The following CCDC13 variants were observed in gnomAD, a reference collection of about 807,000 sequenced individuals.
CCDC13 encodes the protein coiled-coil domain-containing protein 13.
Under a neutral mutation model 87.3 loss-of-function variants are expected in CCDC13, and 70 were observed. The observed-to-expected ratio is 0.80, with a 90% CI of 0.66 to 0.98. The LOEUF (loss-of-function observed/expected upper bound fraction) is 0.98, where lower values mean the gene tolerates loss of function less well. Among genes scored for constraint, CCDC13 ranks in the 50% least tolerant of loss-of-function variants. The pLI, the probability that CCDC13 is intolerant of heterozygous loss-of-function variation, is 0.00. For synonymous variants in CCDC13, 317 were observed against 360.3 expected, an observed-to-expected ratio of 0.88 and a Z score of 1.36; for missense variants, 842 against 892.0, an observed-to-expected ratio of 0.94 and a Z score of 0.71.
At position 42,745,954 on chromosome 3, in the gene CCDC13, C is replaced by T. The variant is rs746925393; in HGVS notation, c.794G>A (p.Arg265Gln). ...LLSSPGTWRG[R>Q]AQQILVLQSK... is the part of the protein sequence containing the mutation. ...CTGCAAAACAAGAATTTGTTGAGCCCGACCCCTCCAGGTCCCTGGCGAAGA... is the reference window on the plus strand; with the variant it reads ...CTGCAAAACAAGAATTTGTTGAGCCTGACCCCTCCAGGTCCCTGGCGAAGA... Residue 265 changes from arginine (R) to glutamine (Q), a missense_variant, in exon 7 of 16, where the codon CGG (arginine) becomes CAG (glutamine). Physicochemically the swap from Arg to Gln is conservative, Grantham distance 43. Coordinates refer to ENST00000310232, the MANE Select transcript of CCDC13 (RefSeq NM_144719.4). 45 of 1,614,018 alleles carry T rather than the reference C, an allele frequency of 2.8e-5. No homozygotes were observed. The South Asian group carries it at 4.8e-4, about 17-fold the overall frequency.
intron 13 of CCDC13, chr3:42,714,177 G>A (rs1443665390): frequency 6.6e-6 from 1 of 152,190 alleles, no homozygotes; most frequent in Non-Finnish European, 1.5e-5. Flanking sequence ...CCCAGACGGA[G>A]ATATTTCTCT....
Position 42,709,997 on chromosome 3 carries a change from C to T in CCDC13, c.1874-199G>A, listed in dbSNP as rs568661777. Among the ~76,000 whole-genome samples, 6 of 152,318 alleles carry T rather than the reference C, an allele frequency of 3.9e-5. No individual in the cohort carries two copies. The East Asian group carries it at 9.7e-4, about 25-fold the overall frequency. On this transcript the variant is annotated intron_variant, in intron 14 of 15. Coordinates refer to ENST00000310232, the MANE Select transcript of CCDC13 (RefSeq NM_144719.4). ...CTCCTCTGCATGCCTCTGCCCCTGG[C>T]TTTGGCCTCTGCTACAGCCCTGACT...
rs114754215 is a variant in CCDC13 at position 42,707,415 on chromosome 3, C to T, written c.*1565G>A. On this transcript the variant is annotated 3_prime_UTR_variant, in exon 16 of 16. Coordinates refer to ENST00000310232, the MANE Select transcript of CCDC13 (RefSeq NM_144719.4). ...TTTGCTCTAACTTGCTGTGGGATCT[C>T]TAGATCCGTGTGACCCCATGCAGGG... Among the ~76,000 whole-genome samples, 789 of 152,284 alleles carry T rather than the reference C, an allele frequency of 5.2e-3. 8 individuals are homozygous for T. Among genetic ancestry groups the T allele is most frequent in the African/African-American group, 0.018 (743 of 41,566 alleles).
intron 13 of CCDC13, among the ~76,000 whole-genome samples, chr3:42,727,265 G>A (rs1248134685): frequency 3.3e-5 from 5 of 152,006 alleles, no homozygotes; most frequent in East Asian, 1.9e-4. Context: ...CCAGCTACTC[G>A]GGAGGCTGAG....
At chr3:42,721,301 G>T (rs1280513815) in intron 13 of CCDC13, among the ~76,000 whole-genome samples, 1 of 152,132 alleles carries the variant, frequency 6.6e-6, no homozygotes, top group Non-Finnish European at 1.5e-5. Context: ...TTAGAAGGTG[G>T]TTTATAATCA....
chr3:42,754,557 G>A (rs773520675), intron 3 of CCDC13, among the ~76,000 whole-genome samples: 11 of 152,142 alleles, frequency 7.2e-5, no homozygotes, highest in Non-Finnish European at 1.3e-4. Context: ...TGGAGTAAGC[G>A]CACTCTACCC....
At position 42,734,872 on chromosome 3, in the gene CCDC13, C is replaced by G. The variant is rs551639249; in HGVS notation, c.1371+835G>C. On this transcript the variant is annotated intron_variant, in intron 10 of 15. Coordinates refer to ENST00000310232, the MANE Select transcript of CCDC13 (RefSeq NM_144719.4). ...GCAGCCCCAAGCTGTGCCCTCAAGG[C>G]ACCTGCCAAGACAAAATATCTTTAC... 7.2e-5 allele frequency among the ~76,000 whole-genome samples: 11 copies of G among 152,364 alleles called. No homozygotes were observed. The East Asian group carries it at 1.5e-3, about 21-fold the overall frequency.
chr3:42,713,570 A>G (rs776173689), intron 13 of CCDC13, among the ~76,000 whole-genome samples: 17 of 152,190 alleles, frequency 1.1e-4, no homozygotes, highest in Non-Finnish European at 2.4e-4. Flanking sequence ...AATCACTTAT[A>G]ACACTTCTAG....
intron 9 of CCDC13, among the ~76,000 whole-genome samples, chr3:42,738,151 C>T (rs147028415): frequency 0.018 from 2,736 of 152,298 alleles, 87 homozygotes; most frequent in African/African-American, 0.062. Flanking sequence ...TTCCCAGCAC[C>T]ACTTATTAAA....
Position 42,730,543 on chromosome 3 carries a change from C to CG in CCDC13, c.1641_1642insC (p.Glu548ArgfsTer14), listed in dbSNP as rs1698800334. Reference sequence around the variant, plus strand: ...GCAGCCTGCCAGAGGGCCTTGATCTCTGACACTTGTGCCTGCCAGCCTTTT... The same window carrying CG: ...GCAGCCTGCCAGAGGGCCTTGATCTCGTGACACTTGTGCCTGCCAGCCTTTT... On this transcript the variant is annotated frameshift_variant, in exon 13 of 16. Coordinates refer to ENST00000310232, the MANE Select transcript of CCDC13 (RefSeq NM_144719.4). LOFTEE classifies it high-confidence loss of function. 2 of 1,614,062 alleles carry CG rather than the reference C, an allele frequency of 1.2e-6. No individual in the cohort carries two copies. The highest frequency in any genetic ancestry group is 1.7e-6 in the Non-Finnish European group (2 of 1,180,026).
intron 9 of CCDC13, among the ~76,000 whole-genome samples, chr3:42,736,620 C>A (rs1413879489): frequency 6.6e-6 from 1 of 152,214 alleles, no homozygotes; most frequent in Non-Finnish European, 1.5e-5. Context: ...AGAGGGGATG[C>A]GACTGGCCTA....
intron 1 of CCDC13, 74 bp downstream of exon 1, chr3:42,773,102 T>G (rs7429427): frequency 1.3e-5 from 2 of 152,150 alleles, no homozygotes; most frequent in African/African-American, 4.8e-5. Flanking sequence ...GCGCTCGGGC[T>G]CGGTTCCGCG....
intron 2 of CCDC13, 47 bp from the exon 3 acceptor site, chr3:42,757,261 G>C (rs1699724674): frequency 6.3e-7 from 1 of 1,587,278 alleles, no homozygotes; most frequent in East Asian, 2.2e-5. Context: ...CAAAGGCCCT[G>C]GTGGGCAGGG....
chr3:42,714,972 T>C (rs1031767299), intron 13 of CCDC13, among the ~76,000 whole-genome samples: 4 of 151,940 alleles, frequency 2.6e-5, no homozygotes, highest in African/African-American at 9.7e-5. Flanking sequence ...GACTGCGAGG[T>C]TCATGTCCAC....
chr3:42,710,212 C>A (rs1034769940), intron 14 of CCDC13, among the ~76,000 whole-genome samples: 6 of 150,992 alleles, frequency 4.0e-5, no homozygotes, highest in African/African-American at 9.8e-5. Context: ...AGGGTTCAAG[C>A]GATTCTTGTG....
At chr3:42,769,284 C>A (rs1262934061) in intron 1 of CCDC13, among the ~76,000 whole-genome samples, 1 of 152,032 alleles carries the variant, frequency 6.6e-6, no homozygotes, top group Non-Finnish European at 1.5e-5. Context: ...AATGAGATAC[C>A]ATTACATACC....
intron 12 of CCDC13, among the ~76,000 whole-genome samples, chr3:42,731,679 C>T (rs1222902878): frequency 6.6e-6 from 1 of 152,090 alleles, no homozygotes; most frequent in Admixed American, 6.6e-5. Flanking sequence ...GAGCAAAGGG[C>T]CGATTCTTCA....
At chr3:42,762,587 G>A (rs908903174) in intron 1 of CCDC13, among the ~76,000 whole-genome samples, 14 of 152,200 alleles carry the variant, frequency 9.2e-5, no homozygotes, top group Non-Finnish European at 1.9e-4. Flanking sequence ...AGTACTCCAT[G>A]TAAGTTGCCA....
At chr3:42,713,357 G>A (rs1295125921) in intron 13 of CCDC13, 41 bp from the exon 14 acceptor site, 3 of 1,605,924 alleles carry the variant, frequency 1.9e-6, no homozygotes, top group Non-Finnish European at 2.6e-6. Context: ...GCCCTGGCAG[G>A]CAGGGGCAGG....
Sources: allele counts gnomAD v4.1 joint callset (sites outside exome capture counted in the v4.1 genomes callset), GRCh38; gene constraint gnomAD v4.1.1; transcripts MANE v1.5; gene names NCBI Gene and HGNC (gene_info 2026-07-23, HGNC 2026-07-21).